The following ADAMTSL1 variants were observed in gnomAD, a reference collection of about 807,000 sequenced individuals.
ADAMTSL1 encodes ADAMTS like 1.
A neutral mutation model predicts 201.8 loss-of-function variants in ADAMTSL1; 126 were observed. That is an observed-to-expected ratio of 0.62 (90% CI 0.54 to 0.72). The LOEUF is 0.72. Ranked by LOEUF, ADAMTSL1 falls within the 30% of genes least tolerant of loss-of-function variation. The probability of loss-of-function intolerance (pLI) is 0.00; values close to 1 mark genes in which losing one functional copy is unlikely to be tolerated. For synonymous variants in ADAMTSL1, 1,121 were observed against 903.4 expected (o/e 1.24, Z -4.32); for missense variants, 2,679 against 2,277.8 (o/e 1.18, Z -3.59).
intron 19 of ADAMTSL1, among the ~76,000 whole-genome samples, chr9:18,781,170 C>G: frequency 6.6e-6 from 1 of 151,736 alleles, no homozygotes; most frequent in East Asian, 1.9e-4. Flanking sequence ...CAGCCAGGTG[C>G]AAAGAACACT....
intron 3 of ADAMTSL1, among the ~76,000 whole-genome samples, chr9:18,547,718 T>C (rs2132199729): frequency 6.6e-6 from 1 of 151,730 alleles, no homozygotes; most frequent in African/African-American, 2.4e-5. Context: ...AGAGGCTGTT[T>C]GATAGACATA....
In ADAMTSL1 at chr9:18,777,798, C is replaced by G; in HGVS notation, c.3569C>G (p.Ala1190Gly). 6.2e-7 allele frequency: 1 copy of G among 1,613,750 alleles called. No homozygotes were observed. Among genetic ancestry groups the G allele is most frequent in the Non-Finnish European group, 8.5e-7 (1 of 1,179,802 alleles). Residue 1190 changes from alanine to glycine, a missense_variant, in exon 19 of 29, where the codon GCC becomes GGC. Physicochemically the swap from Ala to Gly is moderately conservative, Grantham distance 60. Transcript: ENST00000380548. ...EVVTHLGQTVALASGTLSVLL... is the reference protein window; with the variant it reads ...EVVTHLGQTVGLASGTLSVLL... ...GTCACCCACCTGGGGCAGACGGTGG[C>G]CCTGGCCAGCGGGACACTGAGTGTT...
At chr9:18,351,963 A>T (rs144102875) in intron 2 of ADAMTSL1, among the ~76,000 whole-genome samples, 65 of 152,316 alleles carry the variant, frequency 4.3e-4, no homozygotes, top group African/African-American at 1.5e-3. Flanking sequence ...GTTTAATTAC[A>T]GTCAATCACT....
At chr9:18,652,553 A>G (rs1404691754) in intron 7 of ADAMTSL1, among the ~76,000 whole-genome samples, 1 of 152,148 alleles carries the variant, frequency 6.6e-6, no homozygotes, top group East Asian at 1.9e-4. Context: ...CCATACAACC[A>G]TTCTTTTTTT....
At chr9:18,889,035 A>T (rs1203531648) in intron 24 of ADAMTSL1, among the ~76,000 whole-genome samples, 1 of 152,198 alleles carries the variant, frequency 6.6e-6, no homozygotes, top group Non-Finnish European at 1.5e-5. Flanking sequence ...AGACCCCCAA[A>T]GCAACTGGCT....
chr9:18,188,586 G>A (rs1031457352), intron 2 of ADAMTSL1, among the ~76,000 whole-genome samples: 2 of 152,188 alleles, frequency 1.3e-5, no homozygotes, highest in Non-Finnish European at 1.5e-5. Flanking sequence ...TATTTTTAAG[G>A]GAAAATAGTG....
intron 2 of ADAMTSL1, among the ~76,000 whole-genome samples, chr9:18,353,437 T>C (rs1220272367): frequency 6.6e-6 from 1 of 152,198 alleles, no homozygotes; most frequent in Non-Finnish European, 1.5e-5. Flanking sequence ...TTGAGATAAA[T>C]TCGTGGACAT....
intron 23 of ADAMTSL1, among the ~76,000 whole-genome samples, chr9:18,868,725 G>C (rs530618074): frequency 6.6e-6 from 1 of 152,322 alleles, no homozygotes; most frequent in South Asian, 2.1e-4. Flanking sequence ...AATCTCAAGA[G>C]GAATTTATGC....
At chr9:18,901,824 T>C (rs775473617) in intron 26 of ADAMTSL1, among the ~76,000 whole-genome samples, 9 of 152,130 alleles carry the variant, frequency 5.9e-5, no homozygotes, top group Non-Finnish European at 8.8e-5. Flanking sequence ...GTAATTACTT[T>C]AAAGGAATCA....
chr9:18,512,678 A>G (rs1323283521), intron 2 of ADAMTSL1, among the ~76,000 whole-genome samples: 1 of 152,188 alleles, frequency 6.6e-6, no homozygotes, highest in Non-Finnish European at 1.5e-5. Context: ...AAGAACTAAG[A>G]GAAGTTCCCC....
intron 12 of ADAMTSL1, among the ~76,000 whole-genome samples, 185 bp downstream of exon 12, chr9:18,682,144 T>A (rs1394492025): frequency 1.3e-5 from 2 of 152,220 alleles, no homozygotes; most frequent in African/African-American, 4.8e-5. Flanking sequence ...TTGCAAAATT[T>A]CATTAACCAC....
intron 1 of ADAMTSL1, among the ~76,000 whole-genome samples, chr9:18,038,788 AAAG>A (rs1158891207): frequency 1.3e-5 from 2 of 152,340 alleles, no homozygotes; most frequent in Non-Finnish European, 1.5e-5. Context: ...ACAAGAAAGT[AAAG>A]AAGATGTGCT....
chr9:18,190,975 T>C (rs771187023), intron 2 of ADAMTSL1, among the ~76,000 whole-genome samples: 3 of 152,184 alleles, frequency 2.0e-5, no homozygotes, highest in Non-Finnish European at 4.4e-5. Context: ...AATCCAAATT[T>C]CCACAAGAAA....
intron 15 of ADAMTSL1, among the ~76,000 whole-genome samples, chr9:18,737,569 G>A (rs1818587725): frequency 6.6e-6 from 1 of 152,124 alleles, no homozygotes; most frequent in South Asian, 2.1e-4. Flanking sequence ...GATACCAAAA[G>A]ATCATATGGC....
At chr9:18,032,188 G>A (rs777590338) in intron 1 of ADAMTSL1, among the ~76,000 whole-genome samples, 27 of 152,166 alleles carry the variant, frequency 1.8e-4, no homozygotes, top group Non-Finnish European at 3.7e-4. Flanking sequence ...GTCTTGCAAA[G>A]GGAGGGATGC....
chr9:18,529,335 C>G (rs555053063), intron 2 of ADAMTSL1, among the ~76,000 whole-genome samples: 5 of 152,260 alleles, frequency 3.3e-5, no homozygotes, highest in South Asian at 4.1e-4. Context: ...CAGGCCTATT[C>G]CCTTCTCAGC....
intron 2 of ADAMTSL1, among the ~76,000 whole-genome samples, chr9:18,235,853 C>T (rs1308219133): frequency 1.3e-5 from 2 of 152,158 alleles, no homozygotes; most frequent in Non-Finnish European, 2.9e-5. Flanking sequence ...GAGAATTTTT[C>T]ACTGTATTTG....
At chr9:18,261,822 A>G (rs553773687) in intron 2 of ADAMTSL1, among the ~76,000 whole-genome samples, 1 of 152,340 alleles carries the variant, frequency 6.6e-6, no homozygotes, top group African/African-American at 2.4e-5. Flanking sequence ...AGCACCCTAA[A>G]TAAAATCAAA....
At chr9:18,428,648 C>T (rs1004220554) in intron 2 of ADAMTSL1, among the ~76,000 whole-genome samples, 1 of 151,964 alleles carries the variant, frequency 6.6e-6, no homozygotes, top group African/African-American at 2.4e-5. Context: ...ACAATTGGAA[C>T]ATATCAAACA....
Sources: gnomAD v4.1 joint callset for allele counts (sites outside exome capture counted in the v4.1 genomes callset) on GRCh38, gnomAD v4.1.1 for gene constraint, MANE v1.5 for transcripts, NCBI Gene and HGNC (gene_info 2026-07-23, HGNC 2026-07-21) for gene names.